Variants in CLVS1 observed in about 807,000 individuals in gnomAD.
CLVS1 encodes clavesin-1.
Under a neutral mutation model 33.1 loss-of-function variants are expected in CLVS1, and 10 were observed. The ratio of observed to expected loss-of-function variants is 0.30; its 90% CI spans 0.19 to 0.51. The LOEUF (loss-of-function observed/expected upper bound fraction) is 0.51. CLVS1 is among the 20% of genes least tolerant of loss of function. The probability of loss-of-function intolerance (pLI) is 0.97; values close to 1 mark genes in which losing one functional copy is unlikely to be tolerated. For synonymous variants in CLVS1, 163 were observed against 166.1 expected (o/e 0.98, Z 0.14); for missense variants, 343 against 433.4 (o/e 0.79, Z 1.85).
chr8:61,449,952 A>G (rs144945832), intron 3 of CLVS1, among the ~76,000 whole-genome samples: 32 of 152,368 alleles, frequency 2.1e-4, no homozygotes, highest in African/African-American at 6.3e-4. Flanking sequence ...ATTAATAATC[A>G]TATTTTATGA....
chr8:61,184,238 C>T (rs923536812), intron 2 of CLVS1, among the ~76,000 whole-genome samples: 1 of 152,140 alleles, frequency 6.6e-6, no homozygotes, highest in Non-Finnish European at 1.5e-5. Context: ...AGCGGGGAGT[C>T]AGGACACCCA....
At chr8:61,139,927 T>C (rs1806275710) in intron 2 of CLVS1, among the ~76,000 whole-genome samples, 1 of 152,172 alleles carries the variant, frequency 6.6e-6, no homozygotes, top group African/African-American at 2.4e-5. Flanking sequence ...GGGAGTCTTT[T>C]TGTCTCCATT....
intron 2 of CLVS1, among the ~76,000 whole-genome samples, chr8:61,168,957 A>G (rs180917004): frequency 3.9e-5 from 6 of 152,346 alleles, no homozygotes; most frequent in African/African-American, 1.4e-4. Flanking sequence ...TTTTGCTTCC[A>G]TAGACAAGTC....
chr8:61,202,418 T>TA, intron 2 of CLVS1: 1 of 772,108 alleles, frequency 1.3e-6, no homozygotes. Flanking sequence ...GGTTGTGAAC[T>TA]AAAGGCTGAC....
chr8:61,305,797 G>C (rs1004041369), intron 2 of CLVS1, among the ~76,000 whole-genome samples: 1 of 152,174 alleles, frequency 6.6e-6, no homozygotes, highest in African/African-American at 2.4e-5. Context: ...TTATGAGTGA[G>C]GAAATGTGGT....
chr8:60,979,114 T>C, the CLVS1 span, among the ~76,000 whole-genome samples: 959 of 152,316 alleles, frequency 6.3e-3, 3 homozygotes, highest in Non-Finnish European at 0.011. Context: ...GGAGAGAGCA[T>C]TGGACTAGAA....
chr8:61,257,175 C>T lies in CLVS1; in HGVS notation c.-151-42502C>T, dbSNP rs184346877. On this transcript the variant is annotated intron_variant, in intron 2 of 2. Transcript: ENST00000522621. Reference sequence around the variant, plus strand: ...ATTGTGGGGATAATGCTAACAAATGCGTTAGCAGCATCACTTTCATTTTCT... The same window carrying T: ...ATTGTGGGGATAATGCTAACAAATGTGTTAGCAGCATCACTTTCATTTTCT... Among the ~76,000 whole-genome samples the T allele has an allele frequency of 3.3e-3, 502 of 152,264 alleles. 1 individual carries two copies. The highest frequency in any genetic ancestry group is 5.9e-3 in the Non-Finnish European group (403 of 68,012).
intron 3 of CLVS1, among the ~76,000 whole-genome samples, chr8:61,400,338 G>A (rs1814700300): frequency 1.3e-5 from 2 of 152,142 alleles, no homozygotes; most frequent in Admixed American, 6.5e-5. Flanking sequence ...CAACTTGCCT[G>A]TTGTTGGTGT....
At chr8:61,041,114 G>A in the CLVS1 span, among the ~76,000 whole-genome samples, 1 of 151,876 alleles carries the variant, frequency 6.6e-6, no homozygotes, top group Non-Finnish European at 1.5e-5. Flanking sequence ...GCATATTTTT[G>A]TCAACTTTGT....
chr8:61,436,767 A>G (rs1040091574), intron 3 of CLVS1, among the ~76,000 whole-genome samples: 4 of 152,156 alleles, frequency 2.6e-5, no homozygotes, highest in African/African-American at 9.7e-5. Flanking sequence ...TATCATCTAC[A>G]AGCTGACAAC....
At chr8:61,266,045 C>T (rs1809296293) in intron 2 of CLVS1, among the ~76,000 whole-genome samples, 1 of 152,116 alleles carries the variant, frequency 6.6e-6, no homozygotes, top group South Asian at 2.1e-4. Flanking sequence ...TCCTGTTCGT[C>T]TCCCCATGAA....
intron 5 of CLVS1, among the ~76,000 whole-genome samples, chr8:61,471,106 C>T (rs4615562): frequency 6.6e-6 from 1 of 152,180 alleles, no homozygotes; most frequent in Non-Finnish European, 1.5e-5. Flanking sequence ...CTTTTCCTTT[C>T]TATGTGTCTT....
chr8:61,424,741 A>G (rs1299561706), intron 3 of CLVS1, among the ~76,000 whole-genome samples: 1 of 152,218 alleles, frequency 6.6e-6, no homozygotes, highest in Non-Finnish European at 1.5e-5. Context: ...AAAGGTAGCT[A>G]AGAATTTGCT....
chr8:61,219,191 T>C (rs954364858), intron 2 of CLVS1, among the ~76,000 whole-genome samples: 1 of 152,170 alleles, frequency 6.6e-6, no homozygotes, highest in African/African-American at 2.4e-5. Flanking sequence ...TTTCTTCTTT[T>C]AGAAAAAATG....
At chr8:61,107,482 C>A (rs1019822081) in intron 1 of CLVS1, among the ~76,000 whole-genome samples, 3 of 152,190 alleles carry the variant, frequency 2.0e-5, no homozygotes, top group African/African-American at 7.2e-5. Context: ...AAATGGAGAA[C>A]AAGCTCCCTT....
At chr8:61,292,471 T>G in intron 1 of CLVS1, 1 of 454,916 alleles carries the variant, frequency 2.2e-6, no homozygotes. Flanking sequence ...CCTACCTTTC[T>G]TATCTCCTTT....
In CLVS1 at chr8:61,306,434, T is replaced by C. The variant is rs141918240; in HGVS notation, c.455+6152T>C. Reference sequence around the variant, plus strand: ...TAAGTTCCTTACAGATGATGGATATTAGACCGTTGTGGGATGCATTACATG... The same window carrying C: ...TAAGTTCCTTACAGATGATGGATATCAGACCGTTGTGGGATGCATTACATG... On this transcript the variant is annotated intron_variant, in intron 2 of 5. Transcript: ENST00000325897. 2.9e-3 allele frequency among the ~76,000 whole-genome samples: 435 copies of C among 152,338 alleles called. 3 individuals are homozygous for C. The highest frequency in any genetic ancestry group is 0.018 in the South Asian group (86 of 4,828).
chr8:61,009,339 G>T, the CLVS1 span, among the ~76,000 whole-genome samples: 8 of 152,040 alleles, frequency 5.3e-5, no homozygotes, highest in Non-Finnish European at 1.0e-4. Context: ...GTAGATACAG[G>T]GTCTCCCTGT....
intron 3 of CLVS1, among the ~76,000 whole-genome samples, 199 bp from the exon 4 acceptor site, chr8:61,453,942 A>T (rs886795995): frequency 1.6e-4 from 24 of 152,176 alleles, no homozygotes; most frequent in African/African-American, 5.3e-4. Flanking sequence ...ATGGAGTCAA[A>T]GGGAGAGAAG....
Sources: allele counts gnomAD v4.1 joint callset (sites outside exome capture counted in the v4.1 genomes callset), GRCh38; gene constraint gnomAD v4.1.1; transcripts MANE v1.5; gene names NCBI Gene and HGNC (gene_info 2026-07-23, HGNC 2026-07-21).